SP4: variants seen among roughly 807,000 people sequenced by gnomAD.
The protein encoded by SP4 is transcription factor Sp4.
SP4 carries 19 observed loss-of-function variants against 72.8 expected under a neutral mutation model. The ratio of observed to expected loss-of-function variants is 0.26; its 90% confidence interval spans 0.18 to 0.38. The LOEUF is 0.38. SP4 is among the 10% of genes least tolerant of loss of function. SP4 has a pLI of 1.00. For missense variants in SP4, 1,008 were observed against 926.3 expected (o/e 1.09, Z -1.14); for synonymous variants, 395 against 333.1 (o/e 1.19, Z -2.02).
rs78836156 is a variant in SP4 at position 21,456,954 on chromosome 7, G to T, written c.1679-20125G>T. 9.9e-3 allele frequency among the ~76,000 whole-genome samples: 1,504 copies of T among 152,244 alleles called. 20 individuals are homozygous for T. The highest frequency in any genetic ancestry group is 0.035 in the African/African-American group (1,433 of 41,522). On this transcript the variant is annotated intron_variant, in intron 3 of 5. Transcript: ENST00000222584. ...ACTGTGGCCAAGAGGAATAGTTCTG[G>T]GGGTTGGTTAGTAAGCAGGAGAGTG... is the stretch of plus-strand genomic sequence containing the variant.
Position 21,511,870 on chromosome 7 carries a change from A to G in SP4, c.*601A>G, listed in dbSNP as rs1056628833. The G allele has an allele frequency of 6.5e-6, 1 of 153,294 alleles. No homozygotes were observed. The highest frequency in any genetic ancestry group is 1.5e-5 in the Non-Finnish European group (1 of 68,576). The allele number at this position is 153,294 out of a possible 1,614,324, so 9.5% of individuals were successfully genotyped here. A position where few individuals can be genotyped will look rare whatever the true frequency, so the allele number is the denominator to read the frequency against. ...CATCTCAGATCTTTATTACCACTAC[A>G]TTATAGTAGTGTGTATGCAGACAAT... On this transcript the variant is annotated 3_prime_UTR_variant, in exon 6 of 6. Coordinates refer to ENST00000222584, the MANE Select transcript of SP4 (RefSeq NM_003112.5).
intron 5 of SP4, among the ~76,000 whole-genome samples, chr7:21,491,980 A>C (rs1243881874): frequency 1.3e-5 from 2 of 152,202 alleles, no homozygotes; most frequent in African/African-American, 4.8e-5. Flanking sequence ...CTGTTTTCTC[A>C]GCCACTTGCC....
intron 4 of SP4, among the ~76,000 whole-genome samples, chr7:21,481,144 G>A (rs539624847): frequency 1.3e-5 from 2 of 152,136 alleles, no homozygotes; most frequent in Admixed American, 6.5e-5. Flanking sequence ...CACATCCAAG[G>A]TAGAGTCTAT....
intron 3 of SP4, among the ~76,000 whole-genome samples, chr7:21,472,284 T>G (rs921401936): frequency 6.6e-6 from 1 of 151,684 alleles, no homozygotes; most frequent in African/African-American, 2.4e-5. Flanking sequence ...ATTGTTTGTT[T>G]GTTTGTTTGT....
At chr7:21,510,823 T>C (rs1562634722) in intron 5 of SP4, among the ~76,000 whole-genome samples, 199 bp from the exon 6 acceptor site, 2 of 152,236 alleles carry the variant, frequency 1.3e-5, no homozygotes, top group Non-Finnish European at 2.9e-5. Context: ...GGACTTAAAC[T>C]TCAGGTCTTT....
chr7:21,448,402 C>CAGTCA lies in SP4; in HGVS notation c.1678+17561_1678+17565dup, dbSNP rs146835953. On this transcript the variant is annotated intron_variant, in intron 3 of 5. Coordinates refer to ENST00000222584, the MANE Select transcript of SP4 (RefSeq NM_003112.5). ...GCCATTCTTATTAAAGATCATTGAG[C>CAGTCA]AGTCAATCCTCAGTGGTTAGGAATA... Among the ~76,000 whole-genome samples, 1,459 of 152,246 alleles carry CAGTCA rather than the reference C, an allele frequency of 9.6e-3. 23 individuals carry two copies. The highest frequency in any genetic ancestry group is 0.028 in the African/African-American group (1,163 of 41,526).
At position 21,430,124 on chromosome 7, in the gene SP4, C is replaced by T. The variant is rs568588187; in HGVS notation, c.959C>T (p.Ser320Phe). 3.1e-6 allele frequency: 5 copies of T among 1,614,224 alleles called. No homozygotes were observed. In the East Asian group the frequency reaches 6.7e-5, roughly 22 times the overall value. Reference sequence around the variant, plus strand: ...AGTACTATGCCAGAATCTCCCTCCTCCTCCACTACCTGCACAACCACTGCT... The same window carrying T: ...AGTACTATGCCAGAATCTCCCTCCTTCTCCACTACCTGCACAACCACTGCT... ...SASTMPESPS[S>F]STTCTTTAST... The change falls in exon 3 of 6, where the codon TCC (serine) becomes TTC (phenylalanine). Residue 320 changes from serine to phenylalanine, a missense_variant. Physicochemically the swap from Ser to Phe is radical, Grantham distance 155. This residue lies in a region of SP4 where 893 missense variants were observed against 743.3 expected (regional missense o/e 1.20). Transcript: ENST00000222584.
intron 5 of SP4, among the ~76,000 whole-genome samples, chr7:21,502,111 G>A (rs1027382283): frequency 3.6e-5 from 5 of 138,620 alleles, no homozygotes; most frequent in East Asian, 2.3e-4. Flanking sequence ...AAATCTCTCC[G>A]GTTTTGGTAG....
chr7:21,480,213 T>G (rs997591841), intron 4 of SP4, among the ~76,000 whole-genome samples: 4 of 152,210 alleles, frequency 2.6e-5, no homozygotes, highest in African/African-American at 9.7e-5. Context: ...GAGAGATGTC[T>G]GTGGTTTTCT....
intron 3 of SP4, among the ~76,000 whole-genome samples, chr7:21,431,370 C>T (rs1032366427): frequency 6.6e-6 from 1 of 152,114 alleles, no homozygotes; most frequent in Admixed American, 6.5e-5. Context: ...AAACTAGATA[C>T]TGATGCAGTT....
rs1294803498 is a variant in SP4 at position 21,502,001 on chromosome 7, C to T, written c.2108-9021C>T. Among the ~76,000 whole-genome samples, 3 of 150,234 alleles carry T rather than the reference C, an allele frequency of 2.0e-5. No homozygotes were observed. The South Asian group carries it at 6.3e-4, about 32-fold the overall frequency. On this transcript the variant is annotated intron_variant, in intron 5 of 5. Coordinates refer to ENST00000222584, the MANE Select transcript of SP4 (RefSeq NM_003112.5). ...CCACCAGAAGAGTGCTGACTTAAAC[C>T]GAGCTGCTATTTGGTTTCGGGCCTT...
At chr7:21,462,866 A>C (rs1340018060) in intron 3 of SP4, among the ~76,000 whole-genome samples, 1 of 152,198 alleles carries the variant, frequency 6.6e-6, no homozygotes, top group Non-Finnish European at 1.5e-5. Flanking sequence ...GTATTGAGAA[A>C]AGTTCAGCAG....
chr7:21,463,302 A>G (rs766141941), intron 3 of SP4, among the ~76,000 whole-genome samples: 3 of 152,162 alleles, frequency 2.0e-5, no homozygotes, highest in Non-Finnish European at 4.4e-5. Flanking sequence ...AGGGAAAAAA[A>G]TTGGAACAGC....
At position 21,513,806 on chromosome 7, in the gene SP4, TAA is replaced by T. The variant is rs1782204482; in HGVS notation, c.*2540_*2541del. The T allele has an allele frequency of 6.6e-6, 1 of 152,202 alleles. No individual in the cohort carries two copies. Among genetic ancestry groups the T allele is most frequent in the Non-Finnish European group, 1.5e-5 (1 of 68,026 alleles). The allele number at this position is 152,202 out of a possible 1,614,324, so 9.4% of individuals were successfully genotyped here. ...TGAATCTAGATAGCTTTATAGCATATAAAATATGTTAATTTGTGTTAGCAGGT... is the reference window on the plus strand; with the variant it reads ...TGAATCTAGATAGCTTTATAGCATATAATATGTTAATTTGTGTTAGCAGGT... On this transcript the variant is annotated 3_prime_UTR_variant, in exon 6 of 6. Coordinates refer to ENST00000222584, the MANE Select transcript of SP4 (RefSeq NM_003112.5).
At chr7:21,433,961 A>T (rs942425127) in intron 3 of SP4, among the ~76,000 whole-genome samples, 2 of 152,130 alleles carry the variant, frequency 1.3e-5, no homozygotes, top group African/African-American at 2.4e-5. Flanking sequence ...AAAGAAAGAA[A>T]AAAAAGACAC....
chr7:21,458,579 C>T lies in SP4; in HGVS notation c.1679-18500C>T, dbSNP rs1339051507. Among the ~76,000 whole-genome samples the T allele has an allele frequency of 2.6e-5, 4 of 152,100 alleles. 1 individual carries two copies. The highest frequency in any genetic ancestry group is 1.3e-4 in the Admixed American group (2 of 15,280). ...CTTTGCCTGTGTTCTCATCTCTTCT[C>T]CCTTCACCACAGAAATGCCAAAAGT... On this transcript the variant is annotated intron_variant, in intron 3 of 5. Transcript: ENST00000222584.
intron 3 of SP4, among the ~76,000 whole-genome samples, chr7:21,476,460 A>G (rs926044401): frequency 6.6e-6 from 1 of 152,122 alleles, no homozygotes; most frequent in Non-Finnish European, 1.5e-5. Flanking sequence ...GAATAAAGTA[A>G]TAATATCTTA....
chr7:21,500,021 T>C (rs1781824181), intron 5 of SP4, among the ~76,000 whole-genome samples: 1 of 152,200 alleles, frequency 6.6e-6, no homozygotes, highest in South Asian at 2.1e-4. Context: ...GTTAAGAATA[T>C]TAAAATAGTA....
chr7:21,495,436 A>T (rs541469989), intron 5 of SP4, among the ~76,000 whole-genome samples: 2 of 149,716 alleles, frequency 1.3e-5, no homozygotes, highest in East Asian at 4.2e-4. Flanking sequence ...TGAGCAAAGG[A>T]TTTGACACTT....
Sources: gnomAD v4.1 joint callset for allele counts (sites outside exome capture counted in the v4.1 genomes callset) on GRCh38, gnomAD v4.1.1 for gene constraint, gnomAD v4.1.1 regional missense constraint, MANE v1.5 for transcripts, NCBI Gene and HGNC (gene_info 2026-07-23, HGNC 2026-07-21) for gene names.